The following IVNS1ABP variants were observed in gnomAD, a reference collection of about 807,000 sequenced individuals.
IVNS1ABP encodes influenza virus NS1A binding protein.
A neutral mutation model predicts 78.9 loss-of-function variants in IVNS1ABP; 25 were observed. The ratio of observed to expected loss-of-function variants is 0.32; its 90% CI spans 0.23 to 0.44. The LOEUF is 0.44. Ranked by LOEUF, IVNS1ABP falls within the 20% of genes least tolerant of loss-of-function variation. IVNS1ABP has a pLI of 1.00. For missense variants in IVNS1ABP, 494 were observed against 768.9 expected (o/e 0.64, Z 4.23); for synonymous variants, 241 against 259.7 (o/e 0.93, Z 0.69).
chr1:185,313,737 C>A (rs139440302), intron 1 of IVNS1ABP, among the ~76,000 whole-genome samples: 1 of 152,060 alleles, frequency 6.6e-6, no homozygotes, highest in Non-Finnish European at 1.5e-5. Context: ...GAGTATGAAA[C>A]GTAGAATTGT....
chr1:185,306,313 G>T, intron 7 of IVNS1ABP: 2 of 370,880 alleles, frequency 5.4e-6, no homozygotes, highest in South Asian at 5.5e-5. Flanking sequence ...GAAACTCAAG[G>T]TTACTCCACT....
intron 5 of IVNS1ABP, 61 bp downstream of exon 5, chr1:185,308,739 A>G: frequency 6.7e-6 from 8 of 1,201,504 alleles, no homozygotes; most frequent in Non-Finnish European, 9.6e-6. Flanking sequence ...TGACAAATTC[A>G]GCATTGCAAT....
Position 185,305,660 on chromosome 1 carries a change from G to A in IVNS1ABP, c.658-17C>T. On this transcript the variant is annotated splice_polypyrimidine_tract_variant and intron_variant, in intron 7 of 14. Coordinates refer to ENST00000367498, the MANE Select transcript of IVNS1ABP (RefSeq NM_006469.5). The surrounding 1 kb of genome is among the most constrained non-coding windows in gnomAD (Gnocchi z 4.0). ...GGTTTGAACCTGCAAAACAGCAACA[G>A]AACACCCATGTGGCTACGGTCACCA... is the stretch of plus-strand genomic sequence containing the variant. The A allele has an allele frequency of 6.2e-7, 1 of 1,612,606 alleles. No homozygotes were observed. The highest frequency in any genetic ancestry group is 1.3e-5 in the African/African-American group (1 of 74,890).
At position 185,317,152 on chromosome 1, in the gene IVNS1ABP, G is replaced by C. The variant is rs183722204; in HGVS notation, c.-446C>G. On this transcript the variant is annotated 5_prime_UTR_variant, in exon 1 of 15. Coordinates refer to ENST00000367498, the MANE Select transcript of IVNS1ABP (RefSeq NM_006469.5). ...ACCGAGAACTCGCGGGAACTCGCTC[G>C]CTCGCCGATACAGCCGCGCCGAAGC... is the stretch of plus-strand genomic sequence containing the variant. 5.2e-4 allele frequency: 209 copies of C among 398,358 alleles called. 3 individuals are homozygous for C. In the East Asian group the frequency reaches 7.3e-3, roughly 14 times the overall value. 24.7% of individuals were successfully genotyped at this position (398,358 alleles called of 1,614,324 possible).
chr1:185,303,290 A>G (rs1665648496), intron 8 of IVNS1ABP, among the ~76,000 whole-genome samples: 2 of 152,158 alleles, frequency 1.3e-5, no homozygotes, highest in Admixed American at 6.6e-5. Context: ...ATATGTAAAG[A>G]ATATATCCCT....
intron 4 of IVNS1ABP, 46 bp downstream of exon 4, chr1:185,308,957 T>C (rs1665814156): frequency 6.3e-7 from 1 of 1,580,968 alleles, no homozygotes; most frequent in African/African-American, 1.4e-5. Flanking sequence ...CTTGGAATTT[T>C]CTGAAGATAT....
At chr1:185,316,338 C>T (rs1407575963) in intron 1 of IVNS1ABP, among the ~76,000 whole-genome samples, 4 of 152,156 alleles carry the variant, frequency 2.6e-5, no homozygotes. Context: ...CCTCCCGCCC[C>T]CTTCTCCCCG....
intron 5 of IVNS1ABP, among the ~76,000 whole-genome samples, 162 bp downstream of exon 5, chr1:185,308,638 T>C (rs1017881772): frequency 6.6e-6 from 1 of 152,170 alleles, no homozygotes; most frequent in African/African-American, 2.4e-5. Flanking sequence ...TCTTGCTACA[T>C]TATTATAGCC....
At chr1:185,300,409 G>C (rs1665543982) in intron 11 of IVNS1ABP, 28 bp downstream of exon 11, 1 of 1,613,274 alleles carries the variant, frequency 6.2e-7, no homozygotes. Context: ...GCTAAATAGG[G>C]GTTGCTCCTG....
At chr1:185,300,681 C>T in intron 10 of IVNS1ABP, 123 bp from the exon 11 acceptor site, 2 of 997,746 alleles carry the variant, frequency 2.0e-6, no homozygotes, top group Non-Finnish European at 2.9e-6. Context: ...TTAAGGATGC[C>T]TTAGTTGATC....
At chr1:185,316,775 C>A (rs905044776) in intron 1 of IVNS1ABP, among the ~76,000 whole-genome samples, 178 bp downstream of exon 1, 118 of 152,306 alleles carry the variant, frequency 7.7e-4, no homozygotes, top group African/African-American at 2.8e-3. Context: ...GCGGGCCCAG[C>A]GCGGCGCGGG....
In IVNS1ABP at chr1:185,298,128, T is replaced by C; in HGVS notation, c.1836A>G (p.Gly612=). The stretch of plus-strand genomic sequence containing the variant: ...TCAGAAATTCATTGCCATCGAATCC[T>C]CCCACTGCATAAATGGTGTTCCCTA... ...ATVGNTIYAV[G]GFDGNEFLNT... Residue 612 remains glycine, a synonymous_variant, in exon 15 of 15, where the codon GGA becomes GGG. Transcript: ENST00000367498. The surrounding 1 kb of genome is among the most constrained non-coding windows in gnomAD (Gnocchi z 4.1). 6.2e-7 allele frequency: 1 copy of C among 1,613,816 alleles called. No homozygotes were observed. Among genetic ancestry groups the C allele is most frequent in the Non-Finnish European group, 8.5e-7 (1 of 1,179,808 alleles).
chr1:185,297,875 C>G lies in IVNS1ABP; in HGVS notation c.*160G>C. 1 of 642,842 alleles carries G rather than the reference C, an allele frequency of 1.6e-6. No individual in the cohort carries two copies. Among genetic ancestry groups the G allele is most frequent in the Non-Finnish European group, 2.6e-6 (1 of 382,880 alleles). 39.8% of individuals were successfully genotyped at this position (642,842 alleles called of 1,614,324 possible). A position where few individuals can be genotyped will look rare whatever the true frequency, so the allele number is the denominator to read the frequency against. ...CTTTGCATTCCTTTCCAAATAAACC[C>G]AAAAAGTATGTACAGCATGTTTAAT... On this transcript the variant is annotated 3_prime_UTR_variant, in exon 15 of 15. Transcript: ENST00000367498.
Position 185,311,100 on chromosome 1 carries a change from C to T in IVNS1ABP, c.-24G>A. On this transcript the variant is annotated 5_prime_UTR_variant, in exon 2 of 15. Coordinates refer to ENST00000367498, the MANE Select transcript of IVNS1ABP (RefSeq NM_006469.5). ...GGCAGAGAACATTCACTTACCTACT[C>T]TGTTGGTGGCAAATGTATTTCTGGG... 2.7e-6 allele frequency: 1 copy of T among 368,656 alleles called. No individual in the cohort carries two copies. Among genetic ancestry groups the T allele is most frequent in the Non-Finnish European group, 4.8e-6 (1 of 206,618 alleles). The allele number at this position is 368,656 out of a possible 1,614,324, so 22.8% of individuals were successfully genotyped here. A position where few individuals can be genotyped will look rare whatever the true frequency, so the allele number is the denominator to read the frequency against.
chr1:185,301,767 C>A, intron 8 of IVNS1ABP: 1 of 441,444 alleles, frequency 2.3e-6, no homozygotes, highest in Non-Finnish European at 4.0e-6. Flanking sequence ...GACAACTACG[C>A]CTACACAATT....
intron 10 of IVNS1ABP, 130 bp downstream of exon 10, chr1:185,300,842 A>T (rs1174596375): frequency 2.8e-6 from 2 of 724,870 alleles, no homozygotes; most frequent in East Asian, 5.3e-5. Flanking sequence ...GCCATATTCA[A>T]TAGTATTGTT....
chr1:185,307,411 C>A (rs1665767079), intron 6 of IVNS1ABP, 78 bp downstream of exon 6: 1 of 1,101,562 alleles, frequency 9.1e-7, no homozygotes, highest in South Asian at 1.5e-5. Context: ...AATCATTACT[C>A]ACTTGCTTGA....
intron 2 of IVNS1ABP, among the ~76,000 whole-genome samples, chr1:185,310,085 A>G (rs1341151546): frequency 6.6e-6 from 1 of 152,194 alleles, no homozygotes; most frequent in African/African-American, 2.4e-5. Context: ...CACAAACTTA[A>G]AAAGTCTGAT....
chr1:185,307,739 G>A (rs1665776100), intron 5 of IVNS1ABP, 77 bp from the exon 6 acceptor site: 4 of 1,428,746 alleles, frequency 2.8e-6, no homozygotes, highest in Non-Finnish European at 3.8e-6. Context: ...GTGTGGTAAA[G>A]ACTATGTGAA....
Sources: gnomAD v4.1 joint callset for allele counts (sites outside exome capture counted in the v4.1 genomes callset) on GRCh38, gnomAD v4.1.1 for gene constraint, Gnocchi (gnomAD v3.1) non-coding constraint, MANE v1.5 for transcripts, NCBI Gene and HGNC (gene_info 2026-07-23, HGNC 2026-07-21) for gene names.